Variants in ITGB5 observed in about 807,000 individuals in gnomAD.
ITGB5 encodes integrin beta-5.
Under a neutral mutation model 84.8 loss-of-function variants are expected in ITGB5, and 38 were observed. The observed-to-expected ratio is 0.45, with a 90% CI of 0.35 to 0.59. ITGB5 has a LOEUF of 0.59. Ranked by LOEUF, ITGB5 falls within the 20% of genes least tolerant of loss-of-function variation. The pLI is 0.01. For missense variants in ITGB5, 905 were observed against 1,034.5 expected, an observed-to-expected ratio of 0.87 and a Z score of 1.72; for synonymous variants, 393 against 414.4, an observed-to-expected ratio of 0.95 and a Z score of 0.63.
chr3:124,806,515 G>A (rs959754813), intron 9 of ITGB5, among the ~76,000 whole-genome samples: 1 of 135,236 alleles, frequency 7.4e-6, no homozygotes, highest in African/African-American at 2.8e-5. Context: ...CTCACTGCAA[G>A]CTCCGCCTCC....
chr3:124,846,242 A>G (rs1194358959), intron 4 of ITGB5, among the ~76,000 whole-genome samples: 1 of 152,104 alleles, frequency 6.6e-6, no homozygotes, highest in Non-Finnish European at 1.5e-5. Flanking sequence ...TCTGAAGGCT[A>G]CCAAAGAGGA....
At chr3:124,838,127 GT>G (rs1316359627) in intron 5 of ITGB5, among the ~76,000 whole-genome samples, 1 of 151,476 alleles carries the variant, frequency 6.6e-6, no homozygotes, top group Non-Finnish European at 1.5e-5. Context: ...CTGGTCATGA[GT>G]TAGTAATCAT....
chr3:124,819,020 T>A (rs1299780123), intron 7 of ITGB5, among the ~76,000 whole-genome samples: 5 of 152,120 alleles, frequency 3.3e-5, no homozygotes, highest in Admixed American at 3.3e-4. Context: ...ACCGAGGAGA[T>A]CTGTAATTCA....
intron 9 of ITGB5, among the ~76,000 whole-genome samples, chr3:124,803,295 G>A (rs2064343651): frequency 6.6e-6 from 1 of 152,132 alleles, no homozygotes; most frequent in Admixed American, 6.5e-5. Flanking sequence ...CGCATGCACT[G>A]TGGCCTCGGA....
chr3:124,878,959 C>G (rs145771450), intron 1 of ITGB5, among the ~76,000 whole-genome samples: 117 of 152,274 alleles, frequency 7.7e-4, no homozygotes, highest in African/African-American at 2.5e-3. Context: ...TCGGTGGCAA[C>G]TCCATGTATC....
intron 2 of ITGB5, among the ~76,000 whole-genome samples, chr3:124,866,952 T>G (rs2065400261): frequency 6.6e-6 from 1 of 152,262 alleles, no homozygotes; most frequent in Non-Finnish European, 1.5e-5. Flanking sequence ...TCATTGAATC[T>G]GACCACAAGG....
chr3:124,824,285 C>A (rs912024768), intron 5 of ITGB5, among the ~76,000 whole-genome samples: 4 of 152,144 alleles, frequency 2.6e-5, no homozygotes, highest in African/African-American at 9.7e-5. Context: ...AATAGATCCA[C>A]ACATATCTAG....
chr3:124,833,136 G>A (rs1439236121), intron 5 of ITGB5: 1 of 152,142 alleles, frequency 6.6e-6, no homozygotes. Context: ...GAGGCCAAAA[G>A]TGTAGCATTT....
intron 8 of ITGB5, among the ~76,000 whole-genome samples, chr3:124,815,308 G>A (rs562626210): frequency 1.5e-4 from 23 of 152,328 alleles, no homozygotes; most frequent in South Asian, 6.2e-4. Flanking sequence ...TATCAAAGCC[G>A]CCAGGAGCAG....
chr3:124,861,495 TACACACACACAC>T (rs1553766077), intron 2 of ITGB5, among the ~76,000 whole-genome samples: 1 of 111,992 alleles, frequency 8.9e-6, no homozygotes, highest in Non-Finnish European at 1.7e-5. Context: ...TATATATATA[TACACACACACAC>T]ACACACACAC....
At position 124,848,340 on chromosome 3, in the gene ITGB5, C is replaced by T; in HGVS notation, c.580G>A (p.Ala194Thr). ...DKDISPFSYT[A>T]PRYQTNPCIG... ...CACGGATTGGTCTGGTACCTCGGTG[C>T]CGTGTAGGAGAAAGGAGAGATGTCC... Residue 194 changes from alanine (A) to threonine (T), a missense_variant, in exon 4 of 15, where the codon GCA becomes ACA. Ala to Thr is a moderately conservative substitution (Grantham distance 58, BLOSUM62 0). This residue lies in a region of ITGB5 where 656 missense variants were observed against 734.7 expected (regional missense o/e 0.89). Coordinates refer to ENST00000296181, the MANE Select transcript of ITGB5 (RefSeq NM_002213.5). 1.9e-6 allele frequency: 3 copies of T among 1,614,156 alleles called. No individual in the cohort carries two copies. The highest frequency in any genetic ancestry group is 2.5e-6 in the Non-Finnish European group (3 of 1,180,020).
At chr3:124,833,989 T>C (rs980898166) in intron 5 of ITGB5, among the ~76,000 whole-genome samples, 2 of 152,188 alleles carry the variant, frequency 1.3e-5, no homozygotes, top group African/African-American at 2.4e-5. Context: ...AGGGCTTCTC[T>C]GACAAACAGA....
intron 5 of ITGB5, among the ~76,000 whole-genome samples, chr3:124,840,474 A>C (rs564535812): frequency 5.5e-4 from 83 of 152,196 alleles, no homozygotes; most frequent in African/African-American, 2.0e-3. Flanking sequence ...TCAACAGTAG[A>C]AAATTATTTT....
chr3:124,791,407 G>A (rs572133273), intron 10 of ITGB5: 7 of 152,296 alleles, frequency 4.6e-5, no homozygotes, highest in Admixed American at 1.3e-4. Context: ...GACCTTAGTC[G>A]GATTTGTTCA....
At chr3:124,831,703 T>C (rs2064862789) in intron 5 of ITGB5, among the ~76,000 whole-genome samples, 1 of 152,146 alleles carries the variant, frequency 6.6e-6, no homozygotes, top group Non-Finnish European at 1.5e-5. Flanking sequence ...GATCCCGAGG[T>C]CAATCTGCCT....
intron 3 of ITGB5, among the ~76,000 whole-genome samples, chr3:124,858,002 C>T (rs1478952959): frequency 1.3e-5 from 2 of 151,816 alleles, no homozygotes; most frequent in African/African-American, 2.4e-5. Flanking sequence ...ATTAGCTGGG[C>T]GTGGTGGTAC....
At chr3:124,832,721 A>G (rs1044693669) in intron 5 of ITGB5, among the ~76,000 whole-genome samples, 17 of 152,216 alleles carry the variant, frequency 1.1e-4, no homozygotes, top group African/African-American at 3.9e-4. Context: ...TCAACTCTGC[A>G]TTCCCCACAG....
At chr3:124,891,573 G>A (rs140191827), upstream of ITGB5, among the ~76,000 whole-genome samples, 4,404 of 131,936 alleles carry the variant, frequency 0.033, 100 homozygotes, top group Middle Eastern at 0.053. Context: ...TGAGCTATGC[G>A]ACAGAGTGCA....
At chr3:124,792,125 A>G (rs2064158281) in intron 10 of ITGB5, 1 of 152,226 alleles carries the variant, frequency 6.6e-6, no homozygotes, top group Non-Finnish European at 1.5e-5. Flanking sequence ...TGTTGCTTTT[A>G]AAGTGAAGAG....
Sources: gnomAD v4.1 joint callset for allele counts (sites outside exome capture counted in the v4.1 genomes callset) on GRCh38, gnomAD v4.1.1 for gene constraint, gnomAD v4.1.1 regional missense constraint, MANE v1.5 for transcripts, NCBI Gene and HGNC (gene_info 2026-07-23, HGNC 2026-07-21) for gene names.